The following PARVA variants were observed in gnomAD, a reference collection of about 807,000 sequenced individuals.
PARVA encodes alpha-parvin.
In PARVA, 25 loss-of-function variants were observed where a neutral mutation model predicts 52.6. That is an observed-to-expected ratio of 0.48 (90% confidence interval 0.35 to 0.66). The LOEUF (loss-of-function observed/expected upper bound fraction) is 0.66. Ranked by LOEUF, PARVA falls within the 30% of genes least tolerant of loss-of-function variation. PARVA has a pLI of 0.01. For missense variants in PARVA, 373 were observed against 450.9 expected, an observed-to-expected ratio of 0.83 and a Z score of 1.56; for synonymous variants, 185 against 179.1, an observed-to-expected ratio of 1.03 and a Z score of -0.26.
At chr11:12,481,112 C>T (rs4298888) in intron 4 of PARVA, among the ~76,000 whole-genome samples, 147,012 of 152,218 alleles carry the variant, frequency 0.97, 71,218 homozygotes, top group East Asian at 1. Context: ...TTTGAGACCA[C>T]GTAAATATCC....
chr11:12,380,690 A>G (rs1939472821), intron 1 of PARVA, among the ~76,000 whole-genome samples: 1 of 147,160 alleles, frequency 6.8e-6, no homozygotes, highest in Non-Finnish European at 1.5e-5. Flanking sequence ...TGAGCTCTCC[A>G]GAAGTCACCA....
intron 1 of PARVA, among the ~76,000 whole-genome samples, chr11:12,473,187 A>G (rs1589970945): frequency 6.6e-6 from 1 of 152,270 alleles, no homozygotes; most frequent in East Asian, 1.9e-4. Context: ...AAGGGCCAGA[A>G]CTGAGGTATT....
At chr11:12,423,488 C>T (rs576314018) in intron 1 of PARVA, among the ~76,000 whole-genome samples, 3 of 150,060 alleles carry the variant, frequency 2.0e-5, no homozygotes, top group East Asian at 4.0e-4. Flanking sequence ...TTATGATATT[C>T]GAGTTCACCT....
intron 11 of PARVA, 137 bp downstream of exon 11, chr11:12,517,848 C>T (rs562518662): frequency 3.1e-6 from 2 of 649,054 alleles, no homozygotes; most frequent in East Asian, 2.7e-5. Context: ...GGAGGTGGGA[C>T]CCATTATAAG....
intron 7 of PARVA, among the ~76,000 whole-genome samples, chr11:12,509,570 A>G (rs3925954): frequency 0.92 from 140,282 of 152,254 alleles, 65,614 homozygotes; most frequent in East Asian, 1. Flanking sequence ...CCCAGCCATG[A>G]CTGACAGGAG....
intron 1 of PARVA, among the ~76,000 whole-genome samples, 162 bp from the exon 2 acceptor site, chr11:12,473,583 C>T (rs1940961946): frequency 6.6e-6 from 1 of 152,160 alleles, no homozygotes; most frequent in African/African-American, 2.4e-5. Context: ...TAGGTCCTTT[C>T]AGCCAGGCGA....
intron 1 of PARVA, among the ~76,000 whole-genome samples, chr11:12,422,305 C>A (rs900182153): frequency 6.6e-6 from 1 of 152,110 alleles, no homozygotes; most frequent in African/African-American, 2.4e-5. Context: ...ACATTGGTTA[C>A]ATTTCTTTCT....
intron 1 of PARVA, among the ~76,000 whole-genome samples, chr11:12,388,177 G>C (rs1378202201): frequency 6.6e-6 from 1 of 152,198 alleles, no homozygotes; most frequent in Non-Finnish European, 1.5e-5. Context: ...GATGGCTGGA[G>C]GGCACACCTT....
intron 1 of PARVA, among the ~76,000 whole-genome samples, chr11:12,407,582 C>T (rs985916897): frequency 5.3e-5 from 8 of 152,168 alleles, no homozygotes; most frequent in Admixed American, 2.6e-4. Flanking sequence ...ATTTCTTAGG[C>T]TCCAGTTACA....
chr11:12,464,547 C>G (rs2135027088), intron 1 of PARVA, among the ~76,000 whole-genome samples: 1 of 152,310 alleles, frequency 6.6e-6, no homozygotes, highest in South Asian at 2.1e-4. Context: ...ATCTCATTTC[C>G]AGAGATACTT....
chr11:12,501,956 G>A (rs1184960146), intron 5 of PARVA, among the ~76,000 whole-genome samples: 1 of 152,158 alleles, frequency 6.6e-6, no homozygotes, highest in African/African-American at 2.4e-5. Flanking sequence ...GGTAGCAAAT[G>A]TTCTTACAAC....
At chr11:12,493,709 G>A (rs1422587370) in intron 4 of PARVA, among the ~76,000 whole-genome samples, 4 of 152,040 alleles carry the variant, frequency 2.6e-5, no homozygotes, top group Non-Finnish European at 4.4e-5. Flanking sequence ...GAAAAACAAT[G>A]GATGCTTCAG....
chr11:12,434,544 A>G (rs969749353), intron 1 of PARVA, among the ~76,000 whole-genome samples: 3 of 152,026 alleles, frequency 2.0e-5, no homozygotes, highest in African/African-American at 7.3e-5. Flanking sequence ...CTTTGCTCCC[A>G]TGGTTCATGG....
Position 12,531,359 on chromosome 11 carries a change from G to A in PARVA, c.*3434G>A, listed in dbSNP as rs889964272. ...TCATCAGTTTGTTTTGTTGTGGGTT[G>A]CTTGGTTAACCCTACAGAGTATACT... On this transcript the variant is annotated 3_prime_UTR_variant, in exon 13 of 13. Coordinates refer to ENST00000334956, the MANE Select transcript of PARVA (RefSeq NM_018222.5). 6.6e-6 allele frequency among the ~76,000 whole-genome samples: 1 copy of A among 152,162 alleles called. No individual in the cohort carries two copies. The highest frequency in any genetic ancestry group is 2.4e-5 in the African/African-American group (1 of 41,418).
intron 1 of PARVA, among the ~76,000 whole-genome samples, chr11:12,380,113 C>G (rs1939463852): frequency 6.6e-6 from 1 of 152,334 alleles, no homozygotes; most frequent in East Asian, 1.9e-4. Flanking sequence ...CCAACATCCT[C>G]TATTCCTCAC....
chr11:12,389,708 G>T (rs752359615), intron 1 of PARVA, among the ~76,000 whole-genome samples: 1 of 152,160 alleles, frequency 6.6e-6, no homozygotes, highest in African/African-American at 2.4e-5. Context: ...TGACAGAGTG[G>T]GTTGGGCTGA....
intron 1 of PARVA, among the ~76,000 whole-genome samples, chr11:12,465,136 C>G (rs965369883): frequency 2.0e-5 from 3 of 152,162 alleles, no homozygotes. Context: ...TGGACCAGTA[C>G]TGGTCCACGT....
intron 1 of PARVA, among the ~76,000 whole-genome samples, chr11:12,403,552 TGA>T (rs1246264357): frequency 6.6e-6 from 1 of 152,252 alleles, no homozygotes; most frequent in African/African-American, 2.4e-5. Flanking sequence ...TGTTTAGTTA[TGA>T]GGAGAAACTG....
At chr11:12,414,949 A>G (rs1940043778) in intron 1 of PARVA, among the ~76,000 whole-genome samples, 2 of 152,164 alleles carry the variant, frequency 1.3e-5, no homozygotes, top group Non-Finnish European at 2.9e-5. Context: ...CTAAGGAGGA[A>G]TCATCCCACA....
Sources: allele counts gnomAD v4.1 joint callset (sites outside exome capture counted in the v4.1 genomes callset), GRCh38; gene constraint gnomAD v4.1.1; transcripts MANE v1.5; gene names NCBI Gene and HGNC (gene_info 2026-07-23, HGNC 2026-07-21).